Variants in CNIH3 observed in about 807,000 individuals in gnomAD.
CNIH3 encodes cornichon family AMPA receptor auxiliary protein 3, also known as protein cornichon homolog 3.
In CNIH3, 14 loss-of-function variants were observed where a neutral mutation model predicts 24.1. The ratio of observed to expected loss-of-function variants is 0.58; its 90% confidence interval spans 0.38 to 0.91. CNIH3 has a LOEUF of 0.91. Among genes scored for constraint, CNIH3 ranks in the 40% least tolerant of loss-of-function variants. CNIH3 has a pLI of 0.00. For synonymous variants in CNIH3, 68 were observed against 73.8 expected (o/e 0.92, Z 0.40); for missense variants, 178 against 196.8 (o/e 0.90, Z 0.57).
intron 2 of CNIH3, among the ~76,000 whole-genome samples, chr1:224,527,252 G>A (rs1283230109): frequency 1.3e-5 from 2 of 152,246 alleles, no homozygotes; most frequent in Non-Finnish European, 2.9e-5. Context: ...CATCACAGGG[G>A]CTCTAGCCTG....
chr1:224,437,525 ATG>A (rs1227646820), intron 1 of CNIH3, among the ~76,000 whole-genome samples: 3 of 152,180 alleles, frequency 2.0e-5, no homozygotes, highest in African/African-American at 7.2e-5. Flanking sequence ...CTCCCAACTA[ATG>A]TATAAATTCC....
chr1:224,561,423 T>A (rs901667349), intron 3 of CNIH3, among the ~76,000 whole-genome samples: 2 of 152,218 alleles, frequency 1.3e-5, no homozygotes, highest in Non-Finnish European at 2.9e-5. Context: ...GTTTTTGCCT[T>A]TGTCTATCCG....
At chr1:224,720,252 C>CTT (rs10625559) in intron 3 of CNIH3, among the ~76,000 whole-genome samples, 37,215 of 141,940 alleles carry the variant, frequency 0.26, 4,923 homozygotes, top group East Asian at 0.35. Context: ...GGATAGTCAT[C>CTT]TTTTTTTTTT....
chr1:224,495,605 T>C (rs1476349387), intron 1 of CNIH3, among the ~76,000 whole-genome samples: 1 of 152,164 alleles, frequency 6.6e-6, no homozygotes, highest in African/African-American at 2.4e-5. Context: ...ACAAAGACGC[T>C]GATGCAGCTG....
chr1:224,639,303 T>C (rs189653181), intron 1 of CNIH3, among the ~76,000 whole-genome samples: 189 of 152,358 alleles, frequency 1.2e-3, no homozygotes, highest in Non-Finnish European at 2.6e-3. Flanking sequence ...GGGGTCCTCA[T>C]GTCCCCCTCG....
At chr1:224,511,099 A>G (rs1217362760), upstream of CNIH3, among the ~76,000 whole-genome samples, 1 of 152,220 alleles carries the variant, frequency 6.6e-6, no homozygotes, top group Non-Finnish European at 1.5e-5. Flanking sequence ...CCTGCTTCTT[A>G]AAGGCACAGT....
intron 1 of CNIH3, among the ~76,000 whole-genome samples, chr1:224,658,244 CA>C (rs1400716115): frequency 1.3e-5 from 2 of 152,200 alleles, no homozygotes; most frequent in African/African-American, 4.8e-5. Flanking sequence ...TGGCTCACTG[CA>C]ACCTCAACCT....
chr1:224,542,373 C>A (rs1352204337), downstream of CNIH3, among the ~76,000 whole-genome samples: 1 of 152,142 alleles, frequency 6.6e-6, no homozygotes, highest in Non-Finnish European at 1.5e-5. Flanking sequence ...AACAGAGTAC[C>A]TATGACCTAA....
At chr1:224,643,745 T>C (rs1684471830) in intron 1 of CNIH3, among the ~76,000 whole-genome samples, 1 of 152,192 alleles carries the variant, frequency 6.6e-6, no homozygotes, top group Non-Finnish European at 1.5e-5. Flanking sequence ...CCTTCTAGTA[T>C]AGGCTTCCCG....
intron 1 of CNIH3, among the ~76,000 whole-genome samples, chr1:224,490,012 G>T (rs1385507620): frequency 6.6e-6 from 1 of 152,108 alleles, no homozygotes; most frequent in Non-Finnish European, 1.5e-5. Context: ...CATAGCAATA[G>T]GTATGTAGGA....
intron 3 of CNIH3, among the ~76,000 whole-genome samples, chr1:224,561,200 TC>T (rs1680360283): frequency 6.6e-6 from 1 of 152,224 alleles, no homozygotes; most frequent in South Asian, 2.1e-4. Context: ...CTTCTACTTA[TC>T]AAAACAGAAG....
intron 2 of CNIH3, among the ~76,000 whole-genome samples, chr1:224,532,051 G>A (rs777510373): frequency 1.3e-5 from 2 of 152,148 alleles, no homozygotes; most frequent in Non-Finnish European, 2.9e-5. Context: ...CAGACAATAA[G>A]TAACAGATCT....
intron 4 of CNIH3, among the ~76,000 whole-genome samples, chr1:224,568,356 A>G (rs1485321540): frequency 3.3e-5 from 5 of 152,150 alleles, no homozygotes; most frequent in African/African-American, 1.2e-4. Context: ...ATGGGCACCT[A>G]ATAGATGCCA....
chr1:224,639,866 G>A (rs1684273513), intron 1 of CNIH3, among the ~76,000 whole-genome samples: 1 of 152,140 alleles, frequency 6.6e-6, no homozygotes, highest in Non-Finnish European at 1.5e-5. Context: ...GCAGATCAGA[G>A]AATCTTTAAA....
chr1:224,486,181 C>T (rs923614306), intron 1 of CNIH3, among the ~76,000 whole-genome samples: 3 of 152,162 alleles, frequency 2.0e-5, no homozygotes, highest in Non-Finnish European at 4.4e-5. Context: ...TCACGGCTTA[C>T]TGCAGCCTCC....
At chr1:224,481,071 C>T (rs754468239) in intron 1 of CNIH3, among the ~76,000 whole-genome samples, 11 of 152,178 alleles carry the variant, frequency 7.2e-5, no homozygotes, top group Non-Finnish European at 1.3e-4. Context: ...TGACAATCAT[C>T]GCAGAAGGCG....
intron 3 of CNIH3, among the ~76,000 whole-genome samples, chr1:224,564,406 T>C (rs909210625): frequency 6.6e-6 from 1 of 152,222 alleles, no homozygotes; most frequent in African/African-American, 2.4e-5. Flanking sequence ...AGCAGGACCG[T>C]CTCTGGACAG....
At chr1:224,550,518 T>G (rs1341948933) in intron 3 of CNIH3, among the ~76,000 whole-genome samples, 1 of 152,202 alleles carries the variant, frequency 6.6e-6, no homozygotes, top group Non-Finnish European at 1.5e-5. Flanking sequence ...AGAGCGATGT[T>G]ATTTCAGTAA....
At chr1:224,564,360 A>G (rs1187680916) in intron 3 of CNIH3, among the ~76,000 whole-genome samples, 1 of 152,246 alleles carries the variant, frequency 6.6e-6, no homozygotes, top group Admixed American at 6.5e-5. Context: ...TCTAACCATG[A>G]CATGAATTTT....
Sources: gnomAD v4.1 joint callset for allele counts (sites outside exome capture counted in the v4.1 genomes callset) on GRCh38, gnomAD v4.1.1 for gene constraint, MANE v1.5 for transcripts, NCBI Gene and HGNC (gene_info 2026-07-23, HGNC 2026-07-21) for gene names.